Variants in EXOC4 observed in about 807,000 individuals in gnomAD.
The protein encoded by EXOC4 is SEC8-like 1.
Under a neutral mutation model 107.2 loss-of-function variants are expected in EXOC4, and 71 were observed. The ratio of observed to expected loss-of-function variants is 0.66; its 90% CI spans 0.55 to 0.81. EXOC4 has a LOEUF of 0.81. EXOC4 is among the 30% of genes least tolerant of loss of function. The pLI is 0.00. For missense variants in EXOC4, 1,108 were observed against 1,189.6 expected (o/e 0.93, Z 1.01); for synonymous variants, 456 against 441.2 (o/e 1.03, Z -0.42).
intron 14 of EXOC4, among the ~76,000 whole-genome samples, chr7:133,956,301 AAGAT>A (rs1800818344): frequency 6.6e-6 from 1 of 152,222 alleles, no homozygotes; most frequent in Non-Finnish European, 1.5e-5. Context: ...TAAGTGTTAA[AAGAT>A]AGAGGCGGCT....
At chr7:133,286,192 T>G (rs963482628) in intron 2 of EXOC4, among the ~76,000 whole-genome samples, 1 of 152,212 alleles carries the variant, frequency 6.6e-6, no homozygotes, top group Non-Finnish European at 1.5e-5. Flanking sequence ...TTGTTTTACC[T>G]CCTATCTCAT....
At chr7:133,407,481 C>T (rs1207368022) in intron 7 of EXOC4, among the ~76,000 whole-genome samples, 1 of 152,026 alleles carries the variant, frequency 6.6e-6, no homozygotes, top group African/African-American at 2.4e-5. Flanking sequence ...AAAAGCAATT[C>T]AAGTAATCAA....
At chr7:134,018,222 T>G (rs532178836) in intron 17 of EXOC4, among the ~76,000 whole-genome samples, 1 of 152,322 alleles carries the variant, frequency 6.6e-6, no homozygotes, top group South Asian at 2.1e-4. Flanking sequence ...CCGACTCTAT[T>G]AGAATTCTCA....
In EXOC4 at chr7:134,064,416, G is replaced by A; in HGVS notation, c.2813G>A (p.Gly938Glu). 6.2e-7 allele frequency: 1 copy of A among 1,607,600 alleles called. No individual in the cohort carries two copies. Among genetic ancestry groups the A allele is most frequent in the Non-Finnish European group, 8.5e-7 (1 of 1,176,568 alleles). Reference protein sequence around the residue: ...ALTLLHRSQTGVGELTTQNTR... With the variant: ...ALTLLHRSQTEVGELTTQNTR... The stretch of plus-strand genomic sequence containing the variant: ...ACCCTGCTGCACCGCAGCCAGACTG[G>A]GGTGGGGGAACTGACCACCCAGAAC... The change falls in exon 18 of 18, where the codon GGG (glycine) becomes GAG (glutamate). Residue 938 changes from glycine (G) to glutamate (E), a missense_variant. By Grantham distance (98) the Gly-to-Glu change is moderately conservative. Transcript: ENST00000253861.
chr7:133,720,714 T>C (rs1431913777), intron 10 of EXOC4, among the ~76,000 whole-genome samples: 6 of 152,182 alleles, frequency 3.9e-5, no homozygotes, highest in Non-Finnish European at 8.8e-5. Context: ...CAACCTGCTA[T>C]TGTATTTAGC....
intron 10 of EXOC4, among the ~76,000 whole-genome samples, chr7:133,759,144 A>ATTTTTT (rs34768347): frequency 2.1e-5 from 3 of 140,632 alleles, no homozygotes; most frequent in Non-Finnish European, 1.5e-5. Flanking sequence ...CAACAAAAGA[A>ATTTTTT]TTTTTTTTTT....
chr7:133,487,747 TAA>T (rs1799296846), intron 9 of EXOC4, among the ~76,000 whole-genome samples: 1 of 152,166 alleles, frequency 6.6e-6, no homozygotes, highest in African/African-American at 2.4e-5. Context: ...GAAATTTGTG[TAA>T]AAAGTTTTTG....
At chr7:133,514,265 A>T (rs993597533) in intron 9 of EXOC4, among the ~76,000 whole-genome samples, 1 of 151,974 alleles carries the variant, frequency 6.6e-6, no homozygotes, top group African/African-American at 2.4e-5. Context: ...CCCCGGTTTA[A>T]GCGATTCTCT....
At chr7:133,930,738 T>G (rs1800158267) in intron 13 of EXOC4, 1 of 152,052 alleles carries the variant, frequency 6.6e-6, no homozygotes, top group South Asian at 2.1e-4. Flanking sequence ...TATTGGCTAT[T>G]TTTTTCTTAA....
chr7:133,335,479 T>C (rs1227888526), intron 5 of EXOC4, among the ~76,000 whole-genome samples: 1 of 152,224 alleles, frequency 6.6e-6, no homozygotes, highest in Non-Finnish European at 1.5e-5. Context: ...GACTAGTTAT[T>C]TCACTTAGCA....
intron 12 of EXOC4, among the ~76,000 whole-genome samples, chr7:133,908,624 T>C (rs528344357): frequency 6.6e-6 from 1 of 152,312 alleles, no homozygotes; most frequent in South Asian, 2.1e-4. Context: ...ATGGAAGTAA[T>C]AATAGTACCT....
intron 2 of EXOC4, among the ~76,000 whole-genome samples, chr7:133,287,564 C>T (rs989015139): frequency 1.1e-4 from 16 of 152,226 alleles, no homozygotes; most frequent in South Asian, 4.1e-4. Context: ...CCACCCGCCT[C>T]GGCCTCCCAA....
intron 9 of EXOC4, among the ~76,000 whole-genome samples, chr7:133,486,703 T>C (rs1799275470): frequency 6.6e-6 from 1 of 152,162 alleles, no homozygotes; most frequent in African/African-American, 2.4e-5. Context: ...ATCTTTTCTG[T>C]TTTAGCCTCT....
At chr7:133,822,331 CA>C (rs202033507) in intron 11 of EXOC4, among the ~76,000 whole-genome samples, 2,339 of 152,236 alleles carry the variant, frequency 0.015, 57 homozygotes, top group African/African-American at 0.053. Flanking sequence ...CCTGGTTTAC[CA>C]TTGATTTGGA....
chr7:133,508,722 C>T (rs992652215), intron 9 of EXOC4, among the ~76,000 whole-genome samples: 3 of 152,058 alleles, frequency 2.0e-5, no homozygotes, highest in African/African-American at 7.2e-5. Flanking sequence ...GGGTTTTATG[C>T]ATGAATTATA....
chr7:133,624,849 T>C (rs1235784048), intron 9 of EXOC4, among the ~76,000 whole-genome samples: 5 of 150,232 alleles, frequency 3.3e-5, no homozygotes, highest in African/African-American at 1.2e-4. Context: ...CACCTCAGCC[T>C]CCCAAAGTGC....
At chr7:134,083,517 G>A in the EXOC4 span, among the ~76,000 whole-genome samples, 6 of 152,164 alleles carry the variant, frequency 3.9e-5, no homozygotes, top group Admixed American at 2.0e-4. Context: ...ACCAACTAGA[G>A]TCACCTGATG....
intron 10 of EXOC4, among the ~76,000 whole-genome samples, chr7:133,778,965 C>A (rs970608180): frequency 6.6e-6 from 1 of 152,136 alleles, no homozygotes; most frequent in African/African-American, 2.4e-5. Context: ...ATGATTTGGC[C>A]TTCTCTGTAT....
chr7:134,084,321 C>T, the EXOC4 span, among the ~76,000 whole-genome samples: 1 of 152,180 alleles, frequency 6.6e-6, no homozygotes, highest in South Asian at 2.1e-4. Flanking sequence ...AGAGATATAG[C>T]TCTTGCCAGT....
Sources: allele counts gnomAD v4.1 joint callset (sites outside exome capture counted in the v4.1 genomes callset), GRCh38; gene constraint gnomAD v4.1.1; transcripts MANE v1.5; gene names NCBI Gene and HGNC (gene_info 2026-07-23, HGNC 2026-07-21).